ALK: variants seen among roughly 807,000 people sequenced by gnomAD.
ALK encodes the protein ALK receptor tyrosine kinase.
In ALK, 74 loss-of-function variants were observed where a neutral mutation model predicts 163.1. That is an observed-to-expected ratio of 0.45 (90% CI 0.38 to 0.55). The LOEUF is 0.55. Among genes scored for constraint, ALK ranks in the 20% least tolerant of loss-of-function variants. ALK has a pLI of 0.00. For synonymous variants in ALK, 960 were observed against 843.2 expected (o/e 1.14, Z -2.40); for missense variants, 2,063 against 2,105.3 (o/e 0.98, Z 0.39).
intron 3 of ALK, among the ~76,000 whole-genome samples, chr2:29,644,562 TTAAGGTTTTTTTTTCCCCCCAC>T (rs1460511570): frequency 1.3e-5 from 1 of 76,378 alleles, no homozygotes; most frequent in Non-Finnish European, 2.8e-5. Flanking sequence ...TCTTTTCAAA[TTAAGGTTTTTTTTTCCCCCCAC>T]TCTCCAGGGA....
At chr2:29,508,733 C>CAAAAAAAAAAAAA (rs60719550) in intron 4 of ALK, among the ~76,000 whole-genome samples, 3 of 65,496 alleles carry the variant, frequency 4.6e-5, no homozygotes, top group African/African-American at 6.8e-5. Context: ...ATCTGCAACT[C>CAAAAAAAAAAAAA]AAAAAAAAAA....
At chr2:29,892,659 T>C (rs1211389577) in intron 1 of ALK, among the ~76,000 whole-genome samples, 3 of 152,136 alleles carry the variant, frequency 2.0e-5, no homozygotes, top group African/African-American at 4.8e-5. Flanking sequence ...GGTCACATGA[T>C]TCGTAAGTGG....
intron 8 of ALK, among the ~76,000 whole-genome samples, chr2:29,299,091 C>T (rs4666196): frequency 0.61 from 93,292 of 152,116 alleles, 30,415 homozygotes; most frequent in East Asian, 0.83. Flanking sequence ...TGCTCATTCT[C>T]TCTTTAAGTT....
intron 4 of ALK, among the ~76,000 whole-genome samples, chr2:29,406,215 G>A (rs969648711): frequency 2.0e-5 from 3 of 152,200 alleles, no homozygotes; most frequent in Non-Finnish European, 2.9e-5. Flanking sequence ...ATGTAGGGAA[G>A]TCTGGGGCGG....
At chr2:29,641,320 G>C (rs1558421686) in intron 3 of ALK, among the ~76,000 whole-genome samples, 1 of 152,146 alleles carries the variant, frequency 6.6e-6, no homozygotes, top group Admixed American at 6.5e-5. Context: ...AGCAGGAGGT[G>C]GGGGCGGCAA....
At chr2:29,591,722 A>T (rs972924006) in intron 3 of ALK, among the ~76,000 whole-genome samples, 3 of 152,006 alleles carry the variant, frequency 2.0e-5, no homozygotes, top group African/African-American at 4.8e-5. Flanking sequence ...GCCTGGTAAG[A>T]CAAGGAAGGA....
At chr2:29,740,019 GT>G (rs1431902242) in intron 1 of ALK, among the ~76,000 whole-genome samples, 1 of 152,070 alleles carries the variant, frequency 6.6e-6, no homozygotes, top group Non-Finnish European at 1.5e-5. Flanking sequence ...TTTATCATTT[GT>G]ATTGCATTCA....
At chr2:29,430,396 A>G (rs941588730) in intron 4 of ALK, among the ~76,000 whole-genome samples, 4 of 152,212 alleles carry the variant, frequency 2.6e-5, no homozygotes, top group African/African-American at 9.6e-5. Context: ...CTGTAAACCA[A>G]TGATAGGGAA....
At chr2:29,591,782 A>C (rs1158413936) in intron 3 of ALK, among the ~76,000 whole-genome samples, 1 of 152,044 alleles carries the variant, frequency 6.6e-6, no homozygotes, top group Non-Finnish European at 1.5e-5. Flanking sequence ...CTGGTCACGT[A>C]GATTACATCA....
At chr2:29,714,141 G>C (rs1014443826) in intron 2 of ALK, among the ~76,000 whole-genome samples, 2 of 152,052 alleles carry the variant, frequency 1.3e-5, no homozygotes, top group Non-Finnish European at 2.9e-5. Context: ...ATAAGTCTAA[G>C]GGCATGAGAG....
At chr2:29,562,928 T>C (rs1362589088) in intron 3 of ALK, among the ~76,000 whole-genome samples, 1 of 152,216 alleles carries the variant, frequency 6.6e-6, no homozygotes, top group South Asian at 2.1e-4. Flanking sequence ...AAATGATTTG[T>C]TTCCCAAAGG....
intron 9 of ALK, among the ~76,000 whole-genome samples, chr2:29,292,863 C>T (rs189680609): frequency 6.6e-6 from 1 of 152,210 alleles, no homozygotes; most frequent in East Asian, 1.9e-4. Context: ...TGTCACCAGG[C>T]TTTATGTACC....
chr2:29,484,074 T>C (rs1466717385), intron 4 of ALK, among the ~76,000 whole-genome samples: 1 of 152,072 alleles, frequency 6.6e-6, no homozygotes, highest in African/African-American at 2.4e-5. Flanking sequence ...TTCACTATCA[T>C]GAGAACAGCA....
intron 11 of ALK, among the ~76,000 whole-genome samples, chr2:29,267,081 ACTCTCT>A (rs150083664): frequency 6.1e-5 from 9 of 147,702 alleles, no homozygotes; most frequent in Non-Finnish European, 1.1e-4. Flanking sequence ...TTACTAGAAG[ACTCTCT>A]CTCTCTCTCT....
Position 29,193,348 on chromosome 2 carries a change from C to T in ALK, c.4739G>A (p.Gly1580Glu). The T allele has an allele frequency of 6.2e-7, 1 of 1,614,176 alleles. No homozygotes were observed. The highest frequency in any genetic ancestry group is 1.3e-5 in the African/African-American group (1 of 75,042). ...TTGCTGGTAGCCGTAATTGACATTC[C>T]CACAAGGGAAGTGACGTAGCCTGAA... is the stretch of plus-strand genomic sequence containing the variant. ...PLFRLRHFPCGNVNYGYQQQG... is the reference protein window; with the variant it reads ...PLFRLRHFPCENVNYGYQQQG... The change falls in exon 29 of 29, where the codon GGG becomes GAG. Residue 1580 changes from glycine to glutamate, a missense_variant. Gly to Glu is a moderately conservative substitution (Grantham distance 98). Around this residue, in one of 5 missense-constraint regions of ALK, gnomAD observed 403 missense variants for 366.2 expected, o/e 1.10. Coordinates refer to ENST00000389048, the MANE Select transcript of ALK (RefSeq NM_004304.5).
Position 29,620,054 on chromosome 2 carries a change from C to T in ALK, c.952+74796G>A, listed in dbSNP as rs528119843. On this transcript the variant is annotated intron_variant, in intron 3 of 28. Transcript: ENST00000389048. ...AGACGTTCCAGCCTTGGACCAATGACCCCTTTCGTAATGCCTCAATCTCTT... is the reference window on the plus strand; with the variant it reads ...AGACGTTCCAGCCTTGGACCAATGATCCCTTTCGTAATGCCTCAATCTCTT... Among the ~76,000 whole-genome samples the T allele has an allele frequency of 5.9e-5, 9 of 152,332 alleles. No homozygotes were observed. In the South Asian group the frequency reaches 1.7e-3, roughly 28 times the overall value.
intron 1 of ALK, among the ~76,000 whole-genome samples, chr2:29,827,562 G>T (rs1665237299): frequency 6.6e-6 from 1 of 152,184 alleles, no homozygotes; most frequent in Non-Finnish European, 1.5e-5. Flanking sequence ...GGCAGTCTCA[G>T]GGTATTAATT....
chr2:29,339,895 G>A (rs752308781), intron 5 of ALK, among the ~76,000 whole-genome samples: 4 of 152,132 alleles, frequency 2.6e-5, no homozygotes, highest in South Asian at 2.1e-4. Flanking sequence ...ACTGAGAACC[G>A]CCAAGATTCC....
chr2:29,211,382 A>G (rs984175620), intron 24 of ALK, among the ~76,000 whole-genome samples: 1 of 152,248 alleles, frequency 6.6e-6, no homozygotes, highest in Non-Finnish European at 1.5e-5. Context: ...TGGCTCCAGA[A>G]AAGTCTTTAC....
Sources: gnomAD v4.1 joint callset for allele counts (sites outside exome capture counted in the v4.1 genomes callset) on GRCh38, gnomAD v4.1.1 for gene constraint, gnomAD v4.1.1 regional missense constraint, MANE v1.5 for transcripts, NCBI Gene and HGNC (gene_info 2026-07-23, HGNC 2026-07-21) for gene names.